GRID1: variants seen among roughly 807,000 people sequenced by gnomAD.
The protein encoded by GRID1 is glutamate receptor ionotropic, delta-1.
A neutral mutation model predicts 98.0 loss-of-function variants in GRID1; 28 were observed. The observed-to-expected ratio is 0.29, with a 90% CI of 0.21 to 0.39. The LOEUF is 0.39. Ranked by LOEUF, GRID1 falls within the 10% of genes least tolerant of loss-of-function variation. The pLI is 1.00. For synonymous variants in GRID1, 553 were observed against 538.5 expected (o/e 1.03, Z -0.37); for missense variants, 1,111 against 1,340.5 (o/e 0.83, Z 2.67).
intron 6 of GRID1, 32 bp from the exon 7 acceptor site, chr10:85,856,222 A>T: frequency 6.2e-7 from 1 of 1,604,348 alleles, no homozygotes; most frequent in East Asian, 2.2e-5. Flanking sequence ...AACCCTTTCC[A>T]CAGGTGCATT....
chr10:85,670,593 G>C (rs919973642), intron 12 of GRID1, among the ~76,000 whole-genome samples: 5 of 152,122 alleles, frequency 3.3e-5, no homozygotes, highest in African/African-American at 1.2e-4. Context: ...TGACTGCAAG[G>C]GGGAGAAGAA....
rs1223323333 is a variant in GRID1 at position 85,706,601 on chromosome 10, G to GA, written c.1997+16401dup. ...ACCAATGACTTTCTTCACAGAATTG[G>GA]AAAAAACTACTTTAAAGTTCATATG... On this transcript the variant is annotated intron_variant, in intron 12 of 15. Coordinates refer to ENST00000327946, the MANE Select transcript of GRID1 (RefSeq NM_017551.3). Among the ~76,000 whole-genome samples the GA allele has an allele frequency of 4.6e-5, 7 of 152,040 alleles. No individual in the cohort carries two copies. The East Asian group carries it at 1.2e-3, about 25-fold the overall frequency.
intron 2 of GRID1, among the ~76,000 whole-genome samples, chr10:86,334,481 C>T (rs1029137492): frequency 2.0e-5 from 3 of 152,172 alleles, no homozygotes; most frequent in Non-Finnish European, 4.4e-5. Context: ...TTATGACTAA[C>T]GCTCCTTGCC....
chr10:85,667,754 G>A (rs762597500), intron 12 of GRID1, among the ~76,000 whole-genome samples: 8 of 151,584 alleles, frequency 5.3e-5, no homozygotes, highest in South Asian at 2.1e-4. Context: ...AAAACTTTGT[G>A]AGTGAATGAG....
At chr10:86,348,929 T>C (rs1848426986) in intron 2 of GRID1, among the ~76,000 whole-genome samples, 1 of 152,218 alleles carries the variant, frequency 6.6e-6, no homozygotes, top group Non-Finnish European at 1.5e-5. Context: ...CATGTACAAC[T>C]ACAGAGCTTC....
intron 8 of GRID1, among the ~76,000 whole-genome samples, chr10:85,800,896 G>A (rs1394263117): frequency 6.6e-6 from 1 of 151,884 alleles, no homozygotes; most frequent in African/African-American, 2.4e-5. Context: ...AGTAATTGCT[G>A]GAGCCAGAAT....
chr10:85,866,768 T>C (rs1056886807), intron 6 of GRID1, among the ~76,000 whole-genome samples: 1 of 152,176 alleles, frequency 6.6e-6, no homozygotes, highest in African/African-American at 2.4e-5. Flanking sequence ...AAACAAATAA[T>C]AATAATGAAA....
intron 10 of GRID1, among the ~76,000 whole-genome samples, chr10:85,724,996 A>C (rs1251857127): frequency 6.6e-6 from 1 of 151,954 alleles, no homozygotes; most frequent in African/African-American, 2.4e-5. Context: ...AACTTTAGCT[A>C]TCTTCTTTTT....
chr10:85,729,776 G>T (rs186192046), intron 8 of GRID1, among the ~76,000 whole-genome samples, 162 bp from the exon 9 acceptor site: 16 of 152,280 alleles, frequency 1.1e-4, no homozygotes, highest in African/African-American at 3.9e-4. Flanking sequence ...AAAGAGAATA[G>T]ATATATGGTA....
chr10:86,131,121 A>G (rs898591552), intron 4 of GRID1, among the ~76,000 whole-genome samples: 12 of 152,184 alleles, frequency 7.9e-5, no homozygotes, highest in Admixed American at 6.5e-5. Flanking sequence ...TCTCTGAGAT[A>G]AATTCATACC....
At chr10:86,021,676 A>G in intron 4 of GRID1, among the ~76,000 whole-genome samples, 1 of 152,124 alleles carries the variant, frequency 6.6e-6, no homozygotes, top group Non-Finnish European at 1.5e-5. Flanking sequence ...TGATGAGCCT[A>G]CACTGACACA....
chr10:86,117,038 C>G (rs1331141015), intron 4 of GRID1, among the ~76,000 whole-genome samples: 1 of 151,504 alleles, frequency 6.6e-6, no homozygotes, highest in Non-Finnish European at 1.5e-5. Context: ...CCATCACCAT[C>G]ACCACCATCA....
rs74957704 is a variant in GRID1, at chr10:86,294,024, G to C, written c.235+69917C>G. The stretch of plus-strand genomic sequence containing the variant: ...GCTGAGTGGATGATAGAGTATATTC[G>C]CGGGTGATCACTGTTATGGGTAAAA... On this transcript the variant is annotated intron_variant, in intron 2 of 15. Coordinates refer to ENST00000327946, the MANE Select transcript of GRID1 (RefSeq NM_017551.3). Among the ~76,000 whole-genome samples, 46 of 152,202 alleles carry C rather than the reference G, an allele frequency of 3.0e-4. No homozygotes were observed. The East Asian group carries it at 8.1e-3, about 27-fold the overall frequency.
chr10:85,943,109 A>G (rs979667560), intron 4 of GRID1, among the ~76,000 whole-genome samples: 3 of 152,208 alleles, frequency 2.0e-5, no homozygotes, highest in East Asian at 3.8e-4. Context: ...ATTCTTGTGC[A>G]TATCTCTTGC....
In GRID1 at chr10:86,263,388, C is replaced by A. The variant is rs1052262238; in HGVS notation, c.236-56740G>T. ...GAAATGAGACGGCAGCGGGGAGGAT[C>A]CCGCCTCTCCCAGCTCGTCAGAATC... On this transcript the variant is annotated intron_variant, in intron 2 of 15. Coordinates refer to ENST00000327946, the MANE Select transcript of GRID1 (RefSeq NM_017551.3). Among the ~76,000 whole-genome samples, 3 of 152,180 alleles carry A rather than the reference C, an allele frequency of 2.0e-5. No individual in the cohort carries two copies. The East Asian group carries it at 5.8e-4, about 29-fold the overall frequency.
intron 12 of GRID1, among the ~76,000 whole-genome samples, chr10:85,704,971 T>C (rs946226612): frequency 1.3e-5 from 2 of 152,084 alleles, no homozygotes; most frequent in Non-Finnish European, 2.9e-5. Flanking sequence ...TTCAAAGCAG[T>C]GTGTAGAGGG....
At chr10:85,760,477 G>C (rs1243669846) in intron 8 of GRID1, among the ~76,000 whole-genome samples, 2 of 152,146 alleles carry the variant, frequency 1.3e-5, no homozygotes, top group African/African-American at 2.4e-5. Context: ...AAACAATTTA[G>C]CTCCTTCTTT....
intron 12 of GRID1, among the ~76,000 whole-genome samples, chr10:85,689,265 C>T (rs1841306351): frequency 6.6e-6 from 1 of 151,748 alleles, no homozygotes; most frequent in African/African-American, 2.4e-5. Context: ...AAGGAAAGAG[C>T]CAGGAACAAA....
intron 2 of GRID1, among the ~76,000 whole-genome samples, chr10:86,220,864 C>T (rs977147231): frequency 1.3e-5 from 2 of 152,102 alleles, no homozygotes; most frequent in African/African-American, 2.4e-5. Context: ...GTCGGGGGTG[C>T]GCCATGCACC....
Sources: allele counts gnomAD v4.1 joint callset (sites outside exome capture counted in the v4.1 genomes callset), GRCh38; gene constraint gnomAD v4.1.1; transcripts MANE v1.5; gene names NCBI Gene and HGNC (gene_info 2026-07-23, HGNC 2026-07-21).